TRMT61A: variants seen among roughly 807,000 people sequenced by gnomAD.
TRMT61A encodes the protein tRNA methyltransferase 61A.
In TRMT61A, 15 loss-of-function variants were observed where a neutral mutation model predicts 21.3. The observed-to-expected ratio is 0.70, with a 90% CI of 0.47 to 1.08. The LOEUF is 1.08. Among genes scored for constraint, TRMT61A ranks in the 50% least tolerant of loss-of-function variants. The pLI is 0.00. For synonymous variants in TRMT61A, 183 were observed against 185.5 expected (o/e 0.99, Z 0.11); for missense variants, 352 against 426.7 (o/e 0.83, Z 1.54).
rs1399457096 is a variant in TRMT61A, at chr14:103,534,582, G to A, written c.631G>A (p.Glu211Lys). The change falls in exon 4 of 4, where the codon GAG (glutamate) becomes AAG (lysine). Residue 211 changes from glutamate to lysine, a missense_variant. Physicochemically the swap from Glu to Lys is moderately conservative, Grantham distance 56. Transcript: ENST00000389749. ...GRFCSFSPCI[E>K]QVQRTCQALA... ...CTTCTGCTCCTTCTCACCGTGCATCGAGCAGGTGCAACGCACATGCCAGGC... is the reference window on the plus strand; with the variant it reads ...CTTCTGCTCCTTCTCACCGTGCATCAAGCAGGTGCAACGCACATGCCAGGC... The A allele has an allele frequency of 5.0e-6, 8 of 1,584,948 alleles. No homozygotes were observed. The highest frequency in any genetic ancestry group is 6.9e-6 in the Non-Finnish European group (8 of 1,161,444).
At chr14:103,529,882 T>C in intron 1 of TRMT61A, 68 bp from the exon 2 acceptor site, 1 of 1,258,758 alleles carries the variant, frequency 7.9e-7, no homozygotes, top group East Asian at 2.6e-5. Flanking sequence ...CCTCGAAGCC[T>C]TCTACCTAGA....
In TRMT61A at chr14:103,534,882, G is replaced by T; in HGVS notation, c.*61G>T. 1 of 1,524,500 alleles carries T rather than the reference G, an allele frequency of 6.6e-7. No homozygotes were observed. Among genetic ancestry groups the T allele is most frequent in the East Asian group, 2.5e-5 (1 of 40,784 alleles). 94.4% of individuals were successfully genotyped at this position (1,524,500 alleles called of 1,614,324 possible). A position where few individuals can be genotyped will look rare whatever the true frequency, so the allele number is the denominator to read the frequency against. Reference sequence around the variant, plus strand: ...ACTGAAGGGCTGGGCAGGGAGGCCAGAGGCACCTTATATGGTCAGCGATGC... The same window carrying T: ...ACTGAAGGGCTGGGCAGGGAGGCCATAGGCACCTTATATGGTCAGCGATGC... On this transcript the variant is annotated 3_prime_UTR_variant, in exon 4 of 4. Transcript: ENST00000389749.
chr14:103,529,671 C>T (rs1297259027), intron 1 of TRMT61A, among the ~76,000 whole-genome samples: 1 of 152,252 alleles, frequency 6.6e-6, no homozygotes, highest in East Asian at 1.9e-4. Context: ...TCCGGGAATC[C>T]TTGGGACCGA....
At chr14:103,532,971 G>A in intron 3 of TRMT61A, 123 bp downstream of exon 3, 1 of 1,337,870 alleles carries the variant, frequency 7.5e-7, no homozygotes, top group South Asian at 1.5e-5. Flanking sequence ...GGCCAGGCCA[G>A]GGCCCCACTT....
rs888035537 is a variant in TRMT61A, at chr14:103,531,733, C to G, written c.332-849C>G. Among the ~76,000 whole-genome samples the G allele has an allele frequency of 2.6e-5, 4 of 152,086 alleles. No homozygotes were observed. The highest frequency in any genetic ancestry group is 5.9e-5 in the Non-Finnish European group (4 of 68,010). On this transcript the variant is annotated intron_variant, in intron 2 of 3. Coordinates refer to ENST00000389749, the MANE Select transcript of TRMT61A (RefSeq NM_152307.3). This position sits in a 1 kb window ranked among gnomAD's most constrained non-coding sequence, Gnocchi z 5.1. ...TCCATGGGTCTGGCCCAAGCACTTGCGATGCTCAGCGCTATTTGGGTTCCA... is the reference window on the plus strand; with the variant it reads ...TCCATGGGTCTGGCCCAAGCACTTGGGATGCTCAGCGCTATTTGGGTTCCA...
At chr14:103,532,930 G>GGGTC in intron 3 of TRMT61A, 82 bp downstream of exon 3, 1 of 1,464,986 alleles carries the variant, frequency 6.8e-7, no homozygotes, top group Non-Finnish European at 9.1e-7. Flanking sequence ...GATCTCAGAG[G>GGGTC]GGTCCAGAGA....
chr14:103,534,508 T>C, intron 3 of TRMT61A, 42 bp from the exon 4 acceptor site: 3 of 1,523,212 alleles, frequency 2.0e-6, no homozygotes, highest in Non-Finnish European at 2.6e-6. Context: ...GGCCAGGCTC[T>C]GCCACCCCTG....
At chr14:103,529,396 C>G (rs1475301713) in intron 1 of TRMT61A, 135 bp downstream of exon 1, 4 of 177,588 alleles carry the variant, frequency 2.3e-5, no homozygotes, top group South Asian at 8.7e-5. Context: ...GTTGCCTCTG[C>G]ATCGGCTGGG....
At position 103,535,309 on chromosome 14, in the gene TRMT61A, TG is replaced by T; in HGVS notation, c.*492del. The T allele has an allele frequency of 2.2e-6, 1 of 455,992 alleles. No individual in the cohort carries two copies. Among genetic ancestry groups the T allele is most frequent in the Non-Finnish European group, 4.4e-6 (1 of 227,024 alleles). The allele number at this position is 455,992 out of a possible 1,614,324, so 28.2% of individuals were successfully genotyped here. On this transcript the variant is annotated 3_prime_UTR_variant, in exon 4 of 4. Transcript: ENST00000389749. ...CGAGGCTCCAGCCTTGGCCAGAAGC[TG>T]GGGTGAGCTGACCCAGAATCCCTGC...
chr14:103,532,910 G>T, intron 3 of TRMT61A, 62 bp downstream of exon 3: 4 of 1,486,434 alleles, frequency 2.7e-6, no homozygotes, highest in Admixed American at 2.1e-5. Flanking sequence ...GTGCAGGACT[G>T]AGCTCCTGGG....
At chr14:103,532,505 G>A (rs984530473) in intron 2 of TRMT61A, 77 bp from the exon 3 acceptor site, 1 of 1,572,828 alleles carries the variant, frequency 6.4e-7, no homozygotes, top group Non-Finnish European at 8.7e-7. Flanking sequence ...AGGGTGAGGT[G>A]GGGGTTGTTT....
chr14:103,530,581 C>T (rs899200119), intron 2 of TRMT61A, among the ~76,000 whole-genome samples: 1 of 152,158 alleles, frequency 6.6e-6, no homozygotes, highest in African/African-American at 2.4e-5. Flanking sequence ...CTTGGTGGGG[C>T]GTGGCCAGCT....
chr14:103,534,617 G>A lies in TRMT61A; in HGVS notation c.666G>A (p.Ala222=), dbSNP rs374784191. 3.4e-5 allele frequency: 54 copies of A among 1,606,710 alleles called. No individual in the cohort carries two copies. Among genetic ancestry groups the A allele is most frequent in the African/African-American group, 2.0e-4 (15 of 74,912 alleles). Residue 222 remains alanine (A), a synonymous_variant, in exon 4 of 4, where the codon GCG becomes GCA. Transcript: ENST00000389749. Reference sequence around the variant, plus strand: ...AACGCACATGCCAGGCGCTGGCAGCGCGCGGCTTCTCAGAGCTGAGCACCC... The same window carrying A: ...AACGCACATGCCAGGCGCTGGCAGCACGCGGCTTCTCAGAGCTGAGCACCC... ...QVQRTCQALA[A]RGFSELSTLE...
At position 103,534,406 on chromosome 14, in the gene TRMT61A, C is replaced by T. The variant is rs2075965591; in HGVS notation, c.599-144C>T. 4 of 990,474 alleles carry T rather than the reference C, an allele frequency of 4.0e-6. No homozygotes were observed. The African/African-American group carries it at 6.7e-5, about 16-fold the overall frequency. 61.4% of individuals were successfully genotyped at this position (990,474 alleles called of 1,614,324 possible). The stretch of plus-strand genomic sequence containing the variant: ...GGCCAGGCCCCTCTGCCCTGCAGTC[C>T]CAGCTCTTGGAGAGCTTGCAGTCTG... On this transcript the variant is annotated intron_variant, in intron 3 of 3. Transcript: ENST00000389749.
intron 3 of TRMT61A, among the ~76,000 whole-genome samples, chr14:103,533,662 T>A (rs2075962673): frequency 6.6e-6 from 1 of 152,218 alleles, no homozygotes; most frequent in African/African-American, 2.4e-5. Context: ...GACTCCTTCC[T>A]CCAGCGTGGC....
rs1017925159 is a variant in TRMT61A at position 103,535,312 on chromosome 14, G to A, written c.*491G>A. 8.1e-5 allele frequency: 37 copies of A among 456,726 alleles called. No individual in the cohort carries two copies. The highest frequency in any genetic ancestry group is 2.1e-4 in the Admixed American group (9 of 42,368). The allele number at this position is 456,726 out of a possible 1,614,324, so 28.3% of individuals were successfully genotyped here. A position where few individuals can be genotyped will look rare whatever the true frequency, so the allele number is the denominator to read the frequency against. On this transcript the variant is annotated 3_prime_UTR_variant, in exon 4 of 4. Coordinates refer to ENST00000389749, the MANE Select transcript of TRMT61A (RefSeq NM_152307.3). ...GGCTCCAGCCTTGGCCAGAAGCTGG[G>A]GTGAGCTGACCCAGAATCCCTGCCC...
At position 103,533,375 on chromosome 14, in the gene TRMT61A, G is replaced by C. The variant is rs571936577; in HGVS notation, c.598+527G>C. The stretch of plus-strand genomic sequence containing the variant: ...TCTTCCCAGCTGAGAGTTGTATTCT[G>C]AGAGGGTTGAAGGGTGGAGGTGCTG... On this transcript the variant is annotated intron_variant, in intron 3 of 3. Coordinates refer to ENST00000389749, the MANE Select transcript of TRMT61A (RefSeq NM_152307.3). Among the ~76,000 whole-genome samples the C allele has an allele frequency of 5.9e-5, 9 of 152,326 alleles. No individual in the cohort carries two copies. The East Asian group carries it at 1.7e-3, about 29-fold the overall frequency.
Position 103,535,280 on chromosome 14 carries a change from G to C in TRMT61A, c.*459G>C. On this transcript the variant is annotated 3_prime_UTR_variant, in exon 4 of 4. Transcript: ENST00000389749. Reference sequence around the variant, plus strand: ...ACCATCTCGTGCTTCTCCAGTCCCCGGGCCGAGGCTCCAGCCTTGGCCAGA... The same window carrying C: ...ACCATCTCGTGCTTCTCCAGTCCCCCGGCCGAGGCTCCAGCCTTGGCCAGA... 2.2e-6 allele frequency: 1 copy of C among 452,868 alleles called. No individual in the cohort carries two copies. Among genetic ancestry groups the C allele is most frequent in the Non-Finnish European group, 4.4e-6 (1 of 225,912 alleles). The allele number at this position is 452,868 out of a possible 1,614,324, so 28.1% of individuals were successfully genotyped here. A position where few individuals can be genotyped will look rare whatever the true frequency, so the allele number is the denominator to read the frequency against.
Position 103,532,931 on chromosome 14 carries a change from G to A in TRMT61A, c.598+83G>A, listed in dbSNP as rs529271644. On this transcript the variant is annotated intron_variant, in intron 3 of 3. Coordinates refer to ENST00000389749, the MANE Select transcript of TRMT61A (RefSeq NM_152307.3). ...GACTGAGCTCCTGGGATCTCAGAGG[G>A]GTCCAGAGACCAAGCCACACCATGG... The A allele has an allele frequency of 4.8e-6, 7 of 1,464,002 alleles. No homozygotes were observed. The Admixed American group carries it at 1.6e-4, about 33-fold the overall frequency. 90.7% of individuals were successfully genotyped at this position (1,464,002 alleles called of 1,614,324 possible). A position where few individuals can be genotyped will look rare whatever the true frequency, so the allele number is the denominator to read the frequency against.
Sources: allele counts gnomAD v4.1 joint callset (sites outside exome capture counted in the v4.1 genomes callset), GRCh38; gene constraint gnomAD v4.1.1; non-coding constraint Gnocchi (gnomAD v3.1); transcripts MANE v1.5; gene names NCBI Gene and HGNC (gene_info 2026-07-23, HGNC 2026-07-21).